The following PROZ variants were observed in gnomAD, a reference collection of about 807,000 sequenced individuals.
PROZ encodes the protein vitamin K-dependent protein Z.
PROZ carries 46 observed loss-of-function variants against 34.9 expected under a neutral mutation model. The ratio of observed to expected loss-of-function variants is 1.32; its 90% CI spans 1.04 to 1.69. PROZ has a LOEUF of 1.69. Among genes scored for constraint, PROZ ranks in the 40% most tolerant of loss-of-function variants. The probability of loss-of-function intolerance (pLI) is 0.00; values close to 1 mark genes in which losing one functional copy is unlikely to be tolerated. For missense variants in PROZ, 530 were observed against 520.4 expected (o/e 1.02, Z -0.18); for synonymous variants, 195 against 208.5 (o/e 0.94, Z 0.56).
At chr13:113,160,342 G>C (rs539641514) in intron 2 of PROZ, among the ~76,000 whole-genome samples, 165 bp downstream of exon 2, 1 of 151,988 alleles carries the variant, frequency 6.6e-6, no homozygotes, top group African/African-American at 2.4e-5. Flanking sequence ...TTAGAGAATC[G>C]ACTTAATCCA....
At chr13:113,163,295 A>G (rs898286977) in intron 4 of PROZ, among the ~76,000 whole-genome samples, 173 bp downstream of exon 4, 15 of 152,040 alleles carry the variant, frequency 9.9e-5, no homozygotes, top group African/African-American at 3.4e-4. Flanking sequence ...ATTCTCCTCC[A>G]GAAACCACGC....
At position 113,171,542 on chromosome 13, in the gene PROZ, T is replaced by C; in HGVS notation, c.692-52T>C. 2 of 1,612,090 alleles carry C rather than the reference T, an allele frequency of 1.2e-6. No homozygotes were observed. The highest frequency in any genetic ancestry group is 2.2e-5 in the East Asian group (1 of 44,872). Reference sequence around the variant, plus strand: ...CCCTGAGAAGCTCGTTTGAGCATTATGTCCCCTTGAAAATCAGACTGTAAA... The same window carrying C: ...CCCTGAGAAGCTCGTTTGAGCATTACGTCCCCTTGAAAATCAGACTGTAAA... On this transcript the variant is annotated intron_variant, in intron 7 of 7. Transcript: ENST00000375547. This position sits in a 1 kb window ranked among gnomAD's most constrained non-coding sequence, Gnocchi z 5.1.
intron 5 of PROZ, 170 bp from the exon 6 acceptor site, chr13:113,164,883 A>T: frequency 1.1e-6 from 1 of 941,462 alleles, no homozygotes; most frequent in Non-Finnish European, 1.7e-6. Context: ...GGGGTGGTTT[A>T]ACTCCAGTCT....
chr13:113,163,079 C>T lies in PROZ; in HGVS notation c.330C>T (p.Thr110=). ...GSCQDSIWGY[T]CTCSPGYEGS... Reference sequence around the variant, plus strand: ...GCCAGGACAGCATCTGGGGCTACACCTGCACCTGCTCCCCCGGCTATGAGG... The same window carrying T: ...GCCAGGACAGCATCTGGGGCTACACTTGCACCTGCTCCCCCGGCTATGAGG... Residue 110 remains threonine (T), a synonymous_variant, in exon 4 of 8, where the codon ACC becomes ACT. Transcript: ENST00000375547. The T allele has an allele frequency of 5.1e-6, 8 of 1,560,320 alleles. No homozygotes were observed. Among genetic ancestry groups the T allele is most frequent in the Non-Finnish European group, 6.1e-6 (7 of 1,151,434 alleles).
At position 113,158,831 on chromosome 13, in the gene PROZ, GC is replaced by G; in HGVS notation, c.70+104del. 2 of 1,144,784 alleles carry G rather than the reference GC, an allele frequency of 1.7e-6. No individual in the cohort carries two copies. The highest frequency in any genetic ancestry group is 1.3e-6 in the Non-Finnish European group (1 of 785,218). The allele number at this position is 1,144,784 out of a possible 1,614,324, so 70.9% of individuals were successfully genotyped here. A position where few individuals can be genotyped will look rare whatever the true frequency, so the allele number is the denominator to read the frequency against. On this transcript the variant is annotated intron_variant, in intron 1 of 7. Transcript: ENST00000375547. This position sits in a 1 kb window ranked among gnomAD's most constrained non-coding sequence, Gnocchi z 4.3. ...GAGGCTTTTTCCAGGAGCCAGAGGA[GC>G]CCTGAGTGCCCAGACTAGTCTTAAT...
At chr13:113,160,796 C>T in intron 2 of PROZ, 152 bp from the exon 3 acceptor site, 1 of 684,952 alleles carries the variant, frequency 1.5e-6, no homozygotes, top group Non-Finnish European at 2.6e-6. Context: ...AACAAATAGG[C>T]TGTAAAACAG....
Position 113,171,800 on chromosome 13 carries a change from C to G in PROZ, c.898C>G (p.Leu300Val). ...CCTCATCCCACGCACCAGGGGCCTC[C>G]TCAGCGGCTGGGCACGCAATGGCAC... is the stretch of plus-strand genomic sequence containing the variant. The part of the protein sequence containing the change: ...HLLIPRTRGL[L>V]SGWARNGTDL... The change falls in exon 8 of 8, where the codon CTC becomes GTC. Residue 300 changes from leucine (L) to valine (V), a missense_variant. By Grantham distance (32) the Leu-to-Val change is conservative. Coordinates refer to ENST00000375547, the MANE Select transcript of PROZ (RefSeq NM_003891.3). This position sits in a 1 kb window ranked among gnomAD's most constrained non-coding sequence, Gnocchi z 5.1. The G allele has an allele frequency of 6.2e-7, 1 of 1,613,586 alleles. No individual in the cohort carries two copies.
chr13:113,166,976 G>C (rs75529483), intron 6 of PROZ, among the ~76,000 whole-genome samples: 285 of 152,272 alleles, frequency 1.9e-3, no homozygotes, highest in Non-Finnish European at 3.4e-3. Flanking sequence ...TTAAGACAGA[G>C]GACACTGACT....
Position 113,172,106 on chromosome 13 carries a change from C to A in PROZ, c.*1C>A. 1.2e-6 allele frequency: 2 copies of A among 1,612,420 alleles called. No homozygotes were observed. Among genetic ancestry groups the A allele is most frequent in the Non-Finnish European group, 1.7e-6 (2 of 1,179,874 alleles). ...CTGGTTTAAACAGATCATGAACTAA[C>A]TGAAACTCAGCTAGCCAGAATGAAC... On this transcript the variant is annotated 3_prime_UTR_variant, in exon 8 of 8. Coordinates refer to ENST00000375547, the MANE Select transcript of PROZ (RefSeq NM_003891.3).
chr13:113,162,863 A>G, intron 3 of PROZ, 146 bp from the exon 4 acceptor site: 1 of 589,726 alleles, frequency 1.7e-6, no homozygotes, highest in Non-Finnish European at 3.1e-6. Context: ...CCTCCTGCTC[A>G]GGTGCTCAGG....
rs1053579592 is a variant in PROZ, at chr13:113,158,781, C to T, written c.70+51C>T. On this transcript the variant is annotated intron_variant, in intron 1 of 7. Transcript: ENST00000375547. The surrounding 1 kb of genome is among the most constrained non-coding windows in gnomAD (Gnocchi z 4.3). ...TGTGCCTGTGCTGTGTCTTTCTTGA[C>T]TCGGTCCATGGTGGATTTGTAGATG... 3.9e-6 allele frequency: 6 copies of T among 1,523,930 alleles called. No homozygotes were observed. The African/African-American group carries it at 8.3e-5, about 21-fold the overall frequency. The allele number at this position is 1,523,930 out of a possible 1,614,324, so 94.4% of individuals were successfully genotyped here.
rs1419745025 is a variant in PROZ at position 113,172,142 on chromosome 13, G to A, written c.*37G>A. On this transcript the variant is annotated 3_prime_UTR_variant, in exon 8 of 8. Coordinates refer to ENST00000375547, the MANE Select transcript of PROZ (RefSeq NM_003891.3). ...CTAGCCAGAATGAACAACACAACCG[G>A]AAGCGGGATTCCAAGCTGGCACTGC... is the stretch of plus-strand genomic sequence containing the variant. The A allele has an allele frequency of 6.2e-7, 1 of 1,607,302 alleles. No homozygotes were observed.
In PROZ at chr13:113,171,956, A is replaced by C. The variant is rs1263940630; in HGVS notation, c.1054A>C (p.Met352Leu). The C allele has an allele frequency of 6.2e-7, 1 of 1,613,510 alleles. No individual in the cohort carries two copies. Residue 352 changes from methionine (M) to leucine (L), a missense_variant, in exon 8 of 8, where the codon ATG becomes CTG. Met to Leu is a conservative substitution (Grantham distance 15). Transcript: ENST00000375547. This position sits in a 1 kb window ranked among gnomAD's most constrained non-coding sequence, Gnocchi z 5.1. ...AAGCAGCGTGGCGGCCATGCACTGG[A>C]TGGATGGAAGTGTGGTCACCAGAGA... ...ERSSVAAMHW[M>L]DGSVVTREHR...
At chr13:113,164,273 CG>C (rs1294528333) in intron 4 of PROZ, among the ~76,000 whole-genome samples, 2 of 152,006 alleles carry the variant, frequency 1.3e-5, no homozygotes, top group Non-Finnish European at 2.9e-5. Flanking sequence ...CCACCGCGCC[CG>C]GCCTCACTCA....
rs1346045577 is a variant in PROZ, at chr13:113,171,628, C to CAAGATAACG, written c.727_735dup (p.Lys243_Thr245dup). ...GAACGAGCCAAGACCCGCTGATGAT[C>CAAGATAACG]AAGATAACGCACGTCCATGTGCACA... is the stretch of plus-strand genomic sequence containing the variant. On this transcript the variant is annotated inframe_insertion, in exon 8 of 8. Transcript: ENST00000375547. The surrounding 1 kb of genome is among the most constrained non-coding windows in gnomAD (Gnocchi z 5.1). 1.2e-6 allele frequency: 2 copies of CAAGATAACG among 1,614,168 alleles called. No homozygotes were observed. The highest frequency in any genetic ancestry group is 1.7e-6 in the Non-Finnish European group (2 of 1,180,038).
At chr13:113,166,344 C>T (rs1190068795) in intron 6 of PROZ, 1 of 152,202 alleles carries the variant, frequency 6.6e-6, no homozygotes, top group Non-Finnish European at 1.5e-5. Context: ...TGAATTTACA[C>T]TGAGGTGCAG....
intron 6 of PROZ, chr13:113,166,420 C>A (rs1424666361): frequency 1.3e-5 from 2 of 152,100 alleles, no homozygotes; most frequent in African/African-American, 4.8e-5. Context: ...CCTCAGGGGC[C>A]CCCCTTGTGA....
Position 113,163,010 on chromosome 13 carries a change from C to A in PROZ, c.261C>A (p.Gly87=), listed in dbSNP as rs746296569. ...CCAACCCCCATCCTCCTCCTGCAGG[C>A]GGCTCCCCGTGCATCTCCCAGCCCT... The part of the protein sequence containing the change: ...VTDEFWRRYK[G]GSPCISQPCL... The change falls in exon 4 of 8, where the codon GGC becomes GGA. Residue 87 remains glycine (G), a splice_region_variant and synonymous_variant. Transcript: ENST00000375547. 1.3e-6 allele frequency: 2 copies of A among 1,546,268 alleles called. No homozygotes were observed. Among genetic ancestry groups the A allele is most frequent in the South Asian group, 2.4e-5 (2 of 84,102 alleles).
At position 113,163,089 on chromosome 13, in the gene PROZ, T is replaced by C. The variant is rs1004346270; in HGVS notation, c.340T>C (p.Ser114Pro). The C allele has an allele frequency of 1.3e-6, 2 of 1,557,060 alleles. No individual in the cohort carries two copies. Among genetic ancestry groups the C allele is most frequent in the Admixed American group, 1.9e-5 (1 of 52,116 alleles). Residue 114 changes from serine to proline, a missense_variant, in exon 4 of 8, where the codon TCC (serine) becomes CCC (proline). Transcript: ENST00000375547. ...CATCTGGGGCTACACCTGCACCTGC[T>C]CCCCCGGCTATGAGGGCAGCAACTG... ...DSIWGYTCTC[S>P]PGYEGSNCEL... is the part of the protein sequence containing the mutation.
Sources: gnomAD v4.1 joint callset for allele counts (sites outside exome capture counted in the v4.1 genomes callset) on GRCh38, gnomAD v4.1.1 for gene constraint, Gnocchi (gnomAD v3.1) non-coding constraint, MANE v1.5 for transcripts, NCBI Gene and HGNC (gene_info 2026-07-23, HGNC 2026-07-21) for gene names.